CHRM3: variants seen among roughly 807,000 people sequenced by gnomAD.
The protein encoded by CHRM3 is cholinergic receptor muscarinic 3, also known as muscarinic acetylcholine receptor M3.
Under a neutral mutation model 41.8 loss-of-function variants are expected in CHRM3, and 11 were observed. The ratio of observed to expected loss-of-function variants is 0.26; its 90% CI spans 0.17 to 0.44. CHRM3 has a LOEUF of 0.44. CHRM3 is among the 20% of genes least tolerant of loss of function. The pLI is 1.00. For missense variants in CHRM3, 571 were observed against 745.4 expected (o/e 0.77, Z 2.72); for synonymous variants, 297 against 301.4 (o/e 0.99, Z 0.15).
At chr1:239,803,593 C>T (rs1233775175) in intron 5 of CHRM3, among the ~76,000 whole-genome samples, 1 of 152,130 alleles carries the variant, frequency 6.6e-6, no homozygotes, top group African/African-American at 2.4e-5. Context: ...TCATGAGGTG[C>T]CTTCAGCCAT....
chr1:239,839,775 T>G (rs1673628080), intron 6 of CHRM3, among the ~76,000 whole-genome samples: 1 of 151,574 alleles, frequency 6.6e-6, no homozygotes, highest in South Asian at 2.1e-4. Context: ...GTCTGGGACA[T>G]TTACTATTAC....
chr1:239,503,452 T>C (rs1481751024), intron 2 of CHRM3, among the ~76,000 whole-genome samples: 3 of 152,124 alleles, frequency 2.0e-5, no homozygotes, highest in Admixed American at 2.0e-4. Context: ...TATGGATGGC[T>C]GGAATCAATA....
At chr1:239,825,002 T>C (rs569566071) in intron 5 of CHRM3, among the ~76,000 whole-genome samples, 1 of 152,258 alleles carries the variant, frequency 6.6e-6, no homozygotes, top group Non-Finnish European at 1.5e-5. Flanking sequence ...CATTCATTCA[T>C]GTATTTAACA....
At chr1:239,881,499 G>T (rs1191808272) in intron 6 of CHRM3, among the ~76,000 whole-genome samples, 1 of 151,958 alleles carries the variant, frequency 6.6e-6, no homozygotes, top group Non-Finnish European at 1.5e-5. Context: ...TATCATTCAG[G>T]TAATCATTGA....
chr1:239,484,435 C>T (rs1280614175), intron 1 of CHRM3, among the ~76,000 whole-genome samples: 2 of 152,162 alleles, frequency 1.3e-5, no homozygotes, highest in Non-Finnish European at 2.9e-5. Flanking sequence ...CACCAGGCCC[C>T]ACCTCCAACA....
chr1:239,845,145 A>G (rs10925990), intron 6 of CHRM3, among the ~76,000 whole-genome samples: 7,492 of 152,240 alleles, frequency 0.049, 623 homozygotes, highest in African/African-American at 0.17. Flanking sequence ...ACAATGTAAA[A>G]AAGTTACACA....
At chr1:239,495,505 C>A (rs1667822269) in intron 2 of CHRM3, among the ~76,000 whole-genome samples, 1 of 152,164 alleles carries the variant, frequency 6.6e-6, no homozygotes, top group Non-Finnish European at 1.5e-5. Flanking sequence ...CTGTTTACTT[C>A]TTCAGACCTA....
intron 5 of CHRM3, among the ~76,000 whole-genome samples, chr1:239,782,398 A>C (rs1225960009): frequency 1.3e-5 from 2 of 152,122 alleles, no homozygotes; most frequent in African/African-American, 4.8e-5. Context: ...TGTGGGCAAC[A>C]TGTGTTCATA....
At chr1:239,813,744 C>T (rs1671313071) in intron 5 of CHRM3, among the ~76,000 whole-genome samples, 3 of 121,450 alleles carry the variant, frequency 2.5e-5, no homozygotes, top group South Asian at 5.4e-4. Context: ...GGTGAAACCC[C>T]GTCTCTACTA....
chr1:239,513,653 T>C (rs1669070921), intron 2 of CHRM3, among the ~76,000 whole-genome samples: 1 of 152,214 alleles, frequency 6.6e-6, no homozygotes, highest in Non-Finnish European at 1.5e-5. Context: ...TTGTCAATTA[T>C]TTCTTTTATG....
intron 5 of CHRM3, among the ~76,000 whole-genome samples, chr1:239,736,579 C>T (rs1664413405): frequency 6.6e-6 from 1 of 151,936 alleles, no homozygotes; most frequent in Non-Finnish European, 1.5e-5. Context: ...AACCTAATGA[C>T]TCTCAGATTA....
At chr1:239,891,641 A>C (rs1332415585) in intron 6 of CHRM3, among the ~76,000 whole-genome samples, 2 of 152,206 alleles carry the variant, frequency 1.3e-5, no homozygotes, top group Non-Finnish European at 2.9e-5. Context: ...ATTGAGCTTC[A>C]TGCCCCTTCC....
chr1:239,662,056 G>T (rs764029920), intron 4 of CHRM3, among the ~76,000 whole-genome samples: 8 of 151,112 alleles, frequency 5.3e-5, no homozygotes, highest in Non-Finnish European at 8.8e-5. Flanking sequence ...AGCACATCAT[G>T]CATTGTGAGG....
At chr1:239,759,177 T>G (rs1482504808) in intron 5 of CHRM3, among the ~76,000 whole-genome samples, 5 of 145,050 alleles carry the variant, frequency 3.4e-5, no homozygotes, top group African/African-American at 5.3e-5. Flanking sequence ...TTGTTTTTTT[T>G]TTTTGTTTTT....
At chr1:239,803,980 A>T (rs888852723) in intron 5 of CHRM3, among the ~76,000 whole-genome samples, 1 of 152,210 alleles carries the variant, frequency 6.6e-6, no homozygotes, top group African/African-American at 2.4e-5. Context: ...AAGACTTGCA[A>T]GAATTGCCAA....
intron 2 of CHRM3, among the ~76,000 whole-genome samples, chr1:239,501,186 T>C (rs1398971664): frequency 1.3e-5 from 2 of 152,172 alleles, no homozygotes; most frequent in African/African-American, 4.8e-5. Context: ...AGTGGGGGAC[T>C]TCAATACTCC....
chr1:239,539,946 T>C (rs1369267734), intron 2 of CHRM3, among the ~76,000 whole-genome samples: 1 of 152,192 alleles, frequency 6.6e-6, no homozygotes, highest in African/African-American at 2.4e-5. Context: ...ACCTTTTCTA[T>C]GTTTAGATGT....
In CHRM3 at chr1:239,671,539, A is replaced by G. The variant is rs564963026; in HGVS notation, c.-249-6647A>G. Among the ~76,000 whole-genome samples the G allele has an allele frequency of 3.4e-4, 52 of 152,234 alleles. 2 individuals are homozygous for G. The highest frequency in any genetic ancestry group is 4.4e-5 in the Non-Finnish European group (3 of 68,024). On this transcript the variant is annotated intron_variant, in intron 4 of 6. Coordinates refer to ENST00000676153, the MANE Select transcript of CHRM3 (RefSeq NM_001375978.1). ...CAGCAAGCCAGGATCACTCCAGTGCACTCCAGCCTGGGTGACAGAGCAAGA... is the reference window on the plus strand; with the variant it reads ...CAGCAAGCCAGGATCACTCCAGTGCGCTCCAGCCTGGGTGACAGAGCAAGA...
chr1:239,538,221 A>T (rs1319544471), intron 2 of CHRM3, among the ~76,000 whole-genome samples: 1 of 152,238 alleles, frequency 6.6e-6, no homozygotes, highest in Non-Finnish European at 1.5e-5. Context: ...TAATTTACAT[A>T]GTTCTCATCT....
Sources: gnomAD v4.1 joint callset for allele counts (sites outside exome capture counted in the v4.1 genomes callset) on GRCh38, gnomAD v4.1.1 for gene constraint, MANE v1.5 for transcripts, NCBI Gene and HGNC (gene_info 2026-07-23, HGNC 2026-07-21) for gene names.